Variants in DNAI1 observed in about 807,000 individuals in gnomAD.
DNAI1 encodes dynein axonemal intermediate chain 1, also known as dynein, axonemal, intermediate polypeptide 1.
DNAI1 carries 67 observed loss-of-function variants against 92.0 expected under a neutral mutation model. The ratio of observed to expected loss-of-function variants is 0.73; its 90% CI spans 0.60 to 0.89. The LOEUF (loss-of-function observed/expected upper bound fraction) is 0.89. DNAI1 is among the 40% of genes least tolerant of loss of function. DNAI1 has a pLI of 0.00. For synonymous variants in DNAI1, 323 were observed against 319.6 expected (o/e 1.01, Z -0.11); for missense variants, 839 against 866.6 (o/e 0.97, Z 0.40).
At chr9:34,463,337 T>TA (rs1823983379) in intron 1 of DNAI1, among the ~76,000 whole-genome samples, 1 of 152,178 alleles carries the variant, frequency 6.6e-6, no homozygotes, top group Non-Finnish European at 1.5e-5. Flanking sequence ...GTTAATCAAA[T>TA]AACCCATGGC....
At chr9:34,491,111 A>G (rs1824582290) in intron 7 of DNAI1, among the ~76,000 whole-genome samples, 1 of 152,242 alleles carries the variant, frequency 6.6e-6, no homozygotes, top group Non-Finnish European at 1.5e-5. Context: ...GTGGAGCCAG[A>G]GACCCTCATA....
At chr9:34,517,222 T>C (rs1825185320) in intron 18 of DNAI1, 63 bp from the exon 19 acceptor site, 2 of 1,570,932 alleles carry the variant, frequency 1.3e-6, no homozygotes, top group East Asian at 2.3e-5. Flanking sequence ...CAGGGACTCA[T>C]TCCTCTGAGG....
At chr9:34,493,465 C>A in intron 9 of DNAI1, 137 bp downstream of exon 9, 1 of 1,256,276 alleles carries the variant, frequency 8.0e-7, no homozygotes, top group East Asian at 2.4e-5. Context: ...ATAAATAGTT[C>A]TTTCCTTAGG....
chr9:34,460,806 G>A (rs1823938580), intron 1 of DNAI1, among the ~76,000 whole-genome samples: 1 of 151,770 alleles, frequency 6.6e-6, no homozygotes, highest in Non-Finnish European at 1.5e-5. Context: ...TTACAGGCAT[G>A]CACCACCATG....
intron 13 of DNAI1, among the ~76,000 whole-genome samples, chr9:34,511,634 G>A (rs149373804): frequency 8.6e-4 from 131 of 152,290 alleles, no homozygotes; most frequent in African/African-American, 2.9e-3. Flanking sequence ...ATGTTCTGAC[G>A]TAAGGGCTTC....
At chr9:34,479,639 C>T (rs970174747) in intron 1 of DNAI1, among the ~76,000 whole-genome samples, 1 of 152,176 alleles carries the variant, frequency 6.6e-6, no homozygotes, top group Non-Finnish European at 1.5e-5. Flanking sequence ...GATTGGCCCT[C>T]CTGTGCTCTA....
At chr9:34,501,210 C>T (rs1159027019) in intron 12 of DNAI1, 29 bp downstream of exon 12, 6 of 1,573,246 alleles carry the variant, frequency 3.8e-6, no homozygotes, top group South Asian at 1.1e-5. Flanking sequence ...CATTTATTTG[C>T]TCATGTAAAC....
intron 1 of DNAI1, among the ~76,000 whole-genome samples, chr9:34,465,108 GT>G (rs1439483670): frequency 6.6e-6 from 1 of 152,222 alleles, no homozygotes; most frequent in African/African-American, 2.4e-5. Flanking sequence ...TAACTTGGAA[GT>G]TATTGGGGAC....
At chr9:34,490,271 C>T (rs1824560924) in intron 6 of DNAI1, 98 bp from the exon 7 acceptor site, 2 of 1,610,084 alleles carry the variant, frequency 1.2e-6, no homozygotes, top group Non-Finnish European at 1.7e-6. Context: ...TCACTCTCTC[C>T]TACCTCTGTC....
chr9:34,501,777 G>C (rs1006218545), intron 12 of DNAI1, among the ~76,000 whole-genome samples: 2 of 152,210 alleles, frequency 1.3e-5, no homozygotes, highest in Non-Finnish European at 2.9e-5. Context: ...GGTGGGTGGG[G>C]GCATGGGGGA....
At chr9:34,490,149 C>G in intron 6 of DNAI1, 25 bp downstream of exon 6, 1 of 1,613,454 alleles carries the variant, frequency 6.2e-7, no homozygotes, top group East Asian at 2.2e-5. Flanking sequence ...CGCTCTGTGT[C>G]CCTCTTCTTC....
chr9:34,479,920 A>G (rs1824317676), intron 1 of DNAI1, among the ~76,000 whole-genome samples: 1 of 152,152 alleles, frequency 6.6e-6, no homozygotes, highest in African/African-American at 2.4e-5. Context: ...CAAAGACCCT[A>G]TCATGCAAGA....
In DNAI1 at chr9:34,513,211, G is replaced by A; in HGVS notation, c.1569+20G>A. On this transcript the variant is annotated intron_variant, in intron 16 of 19. Coordinates refer to ENST00000242317, the MANE Select transcript of DNAI1 (RefSeq NM_012144.4). Reference sequence around the variant, plus strand: ...TACAAGGTGAGGCTGCCCTGTGCCAGCTCCTTAGAAGGCCGCTTAGACCTG... The same window carrying A: ...TACAAGGTGAGGCTGCCCTGTGCCAACTCCTTAGAAGGCCGCTTAGACCTG... 1.9e-6 allele frequency: 3 copies of A among 1,605,258 alleles called. No individual in the cohort carries two copies. The highest frequency in any genetic ancestry group is 2.6e-6 in the Non-Finnish European group (3 of 1,171,862).
At position 34,507,671 on chromosome 9, in the gene DNAI1, G is replaced by C. The variant is rs150822969; in HGVS notation, c.1311+797G>C. ...TTAAAGACCAGGTCCTTGTCTACAA[G>C]CTTCCTCAACTCCGCACGGGGCCTT... On this transcript the variant is annotated intron_variant, in intron 13 of 19. Coordinates refer to ENST00000242317, the MANE Select transcript of DNAI1 (RefSeq NM_012144.4). Among the ~76,000 whole-genome samples the C allele has an allele frequency of 5.9e-5, 9 of 152,334 alleles. No individual in the cohort carries two copies. In the East Asian group the frequency reaches 1.7e-3, roughly 29 times the overall value.
intron 1 of DNAI1, among the ~76,000 whole-genome samples, chr9:34,474,487 T>C (rs192562439): frequency 6.6e-6 from 1 of 151,986 alleles, no homozygotes; most frequent in Non-Finnish European, 1.5e-5. Context: ...TCCTCCTGCC[T>C]TGGCCTCCCA....
chr9:34,503,606 C>A (rs1052540046), intron 12 of DNAI1, among the ~76,000 whole-genome samples: 2 of 152,118 alleles, frequency 1.3e-5, no homozygotes, highest in Non-Finnish European at 2.9e-5. Flanking sequence ...GGTATGTACC[C>A]TAGGAAGGAC....
At chr9:34,470,690 TCAGTAGATCTGAA>T (rs1824119372) in intron 1 of DNAI1, among the ~76,000 whole-genome samples, 1 of 152,262 alleles carries the variant, frequency 6.6e-6, no homozygotes, top group Admixed American at 6.5e-5. Context: ...CATTATTCTC[TCAGTAGATCTGAA>T]CAGTGCTGTT....
intron 6 of DNAI1, 39 bp downstream of exon 6, chr9:34,490,163 C>T (rs1316981199): frequency 5.0e-6 from 8 of 1,613,412 alleles, no homozygotes; most frequent in African/African-American, 4.0e-5. Flanking sequence ...CTTCTTCCAG[C>T]TCAAGCTGTG....
intron 13 of DNAI1, 63 bp from the exon 14 acceptor site, chr9:34,512,046 T>G: frequency 6.5e-7 from 1 of 1,535,272 alleles, no homozygotes; most frequent in Non-Finnish European, 9.0e-7. Flanking sequence ...AGCCCTGCTC[T>G]GCCCACAGCC....
Sources: allele counts gnomAD v4.1 joint callset (sites outside exome capture counted in the v4.1 genomes callset), GRCh38; gene constraint gnomAD v4.1.1; transcripts MANE v1.5; gene names NCBI Gene and HGNC (gene_info 2026-07-23, HGNC 2026-07-21).